The following MALAT1 variants were observed in gnomAD, a reference collection of about 807,000 sequenced individuals.
The protein encoded by MALAT1 is hepcarcin.
In MALAT1 at chr11:65,500,426, T is replaced by C. The variant is rs142149322; in HGVS notation, n.1689T>C. 6.0e-4 allele frequency: 310 copies of C among 518,910 alleles called. 1 individual carries two copies. The highest frequency in any genetic ancestry group is 4.7e-3 in the African/African-American group (245 of 52,030). 32.1% of individuals were successfully genotyped at this position (518,910 alleles called of 1,614,324 possible). A position where few individuals can be genotyped will look rare whatever the true frequency, so the allele number is the denominator to read the frequency against. On this transcript the variant is annotated non_coding_transcript_exon_variant, in exon 3 of 4. Transcript: ENST00000619449. Reference sequence around the variant, plus strand: ...GCTACACAGAAGTGGATTCAGTGAATCTAGGAAGACAGCAGCAGACAGGAT... The same window carrying C: ...GCTACACAGAAGTGGATTCAGTGAACCTAGGAAGACAGCAGCAGACAGGAT...
chr11:65,502,475 CAA>C (rs746808979), exon 3 of MALAT1: 2 of 495,852 alleles, frequency 4.0e-6, no homozygotes, highest in Middle Eastern at 3.3e-4. Context: ...AACTGCAAAA[CAA>C]GATGTTAAGG....
At chr11:65,499,441 AAGTTT>A in exon 3 of MALAT1, 1 of 474,844 alleles carries the variant, frequency 2.1e-6, no homozygotes, top group South Asian at 1.5e-5. Flanking sequence ...AAACAGCTTA[AAGTTT>A]AGTTTAAAAG....
In MALAT1 at chr11:65,503,674, G is replaced by C. The variant is rs768858680; in HGVS notation, n.4937G>C. The C allele has an allele frequency of 5.8e-6, 3 of 515,414 alleles. No homozygotes were observed. The Admixed American group carries it at 5.9e-5, about 10-fold the overall frequency. 31.9% of individuals were successfully genotyped at this position (515,414 alleles called of 1,614,324 possible). A position where few individuals can be genotyped will look rare whatever the true frequency, so the allele number is the denominator to read the frequency against. On this transcript the variant is annotated non_coding_transcript_exon_variant, in exon 3 of 4. Coordinates refer to ENST00000619449, the Ensembl canonical transcript of MALAT1. ...TCCTTATTTAAATAAAATAGTGTTT[G>C]TCTGTAGTTCAGTGTTGGGGCAATC...
chr11:65,501,402 G>C, exon 3 of MALAT1: 1 of 518,036 alleles, frequency 1.9e-6, no homozygotes, highest in Non-Finnish European at 3.9e-6. Flanking sequence ...CTCACGTTGA[G>C]GTCTGTGGAA....
chr11:65,504,838 C>CG lies in MALAT1; in HGVS notation n.5168+934dup, dbSNP rs756809445. On this transcript the variant is annotated intron_variant and non_coding_transcript_variant, in intron 3 of 3. Transcript: ENST00000619449. ...CATGCAGGAACACTCAGCAGACACACGTATGCGAAGGGCCAGAGAAGCCAG... is the reference window on the plus strand; with the variant it reads ...CATGCAGGAACACTCAGCAGACACACGGTATGCGAAGGGCCAGAGAAGCCAG... The CG allele has an allele frequency of 6.6e-5, 34 of 518,930 alleles. No homozygotes were observed. The East Asian group carries it at 1.3e-3, about 19-fold the overall frequency. The allele number at this position is 518,930 out of a possible 1,614,324, so 32.1% of individuals were successfully genotyped here. A position where few individuals can be genotyped will look rare whatever the true frequency, so the allele number is the denominator to read the frequency against.
intron 3 of MALAT1, chr11:65,504,131 A>G (rs1217682418): frequency 1.9e-6 from 1 of 516,916 alleles, no homozygotes; most frequent in Admixed American, 2.0e-5. Flanking sequence ...TTTCCTTTGC[A>G]GAGGCATTTC....
chr11:65,499,042 G>C (rs536673705), exon 3 of MALAT1: 3 of 518,450 alleles, frequency 5.8e-6, no homozygotes, highest in South Asian at 2.8e-5. Flanking sequence ...CGAGCTGTGC[G>C]GTAGGCATTG....
exon 1 of MALAT1, chr11:65,497,801 C>T (rs373968240): frequency 2.0e-6 from 1 of 506,182 alleles, no homozygotes; most frequent in African/African-American, 2.0e-5. Flanking sequence ...CTCCTGCCCT[C>T]TTAAGCGCAG....
chr11:65,500,608 A>C, exon 3 of MALAT1: 1 of 518,940 alleles, frequency 1.9e-6, no homozygotes, highest in South Asian at 1.4e-5. Context: ...TGAAGCTAGG[A>C]AAAAGGATTC....
chr11:65,499,791 A>C (rs899617740), exon 3 of MALAT1: 2 of 421,880 alleles, frequency 4.7e-6, no homozygotes, highest in African/African-American at 4.2e-5. Context: ...CAGAAGAAAA[A>C]AGACAAGCTA....
chr11:65,498,593 A>G (rs1246703097), intron 1 of MALAT1: 1 of 518,796 alleles, frequency 1.9e-6, no homozygotes, highest in Non-Finnish European at 3.8e-6. Flanking sequence ...CCATTTTGCC[A>G]CTTCTCAACC....
At chr11:65,499,250 C>T (rs1288562296) in exon 3 of MALAT1, 2 of 511,796 alleles carry the variant, frequency 3.9e-6, no homozygotes, top group East Asian at 5.5e-5. Flanking sequence ...AATATGAAGA[C>T]TTAGAAGAGT....
chr11:65,501,546 A>G, exon 3 of MALAT1: 1 of 518,852 alleles, frequency 1.9e-6, no homozygotes, highest in South Asian at 1.4e-5. Flanking sequence ...TTAACAGGGA[A>G]GAGAGAGGGT....
At chr11:65,500,159 A>G (rs554841131) in exon 3 of MALAT1, 5 of 503,552 alleles carry the variant, frequency 9.9e-6, no homozygotes, top group African/African-American at 9.7e-5. Flanking sequence ...AATCACATCA[A>G]AAAGCTACTA....
exon 3 of MALAT1, chr11:65,501,996 C>G: frequency 1.9e-6 from 1 of 513,504 alleles, no homozygotes; most frequent in Non-Finnish European, 3.9e-6. Flanking sequence ...ATATCAACTT[C>G]CAAGTTGGCA....
chr11:65,502,944 G>T (rs376153746), exon 3 of MALAT1: 2 of 495,268 alleles, frequency 4.0e-6, no homozygotes, highest in Admixed American at 4.3e-5. Flanking sequence ...CAATGAAGAG[G>T]CAATGTCCAT....
chr11:65,502,137 C>CTGT, exon 3 of MALAT1: 1 of 516,792 alleles, frequency 1.9e-6, no homozygotes, highest in Non-Finnish European at 3.9e-6. Flanking sequence ...GATACTGTAT[C>CTGT]TGTTTTCCTT....
intron 3 of MALAT1, chr11:65,505,962 C>CT (rs771800861): frequency 4.5e-6 from 2 of 445,266 alleles, no homozygotes; most frequent in Non-Finnish European, 8.7e-6. Context: ...GTGAACATAA[C>CT]AGACTTGGCC....
chr11:65,498,896 TAAG>T (rs1266128982), intron 2 of MALAT1: 1 of 518,444 alleles, frequency 1.9e-6, no homozygotes. Context: ...CATAAGCTGT[TAAG>T]AAAAATCTAG....
Sources: allele counts gnomAD v4.1 joint callset, GRCh38; gene constraint gnomAD v4.1.1; transcripts MANE v1.5; gene names NCBI Gene and HGNC (gene_info 2026-07-23, HGNC 2026-07-21).